Variants in PTPRM observed in about 807,000 individuals in gnomAD.
PTPRM encodes protein tyrosine phosphatase receptor type M, also known as receptor-type tyrosine-protein phosphatase mu.
In PTPRM, 47 loss-of-function variants were observed where a neutral mutation model predicts 186.7. The observed-to-expected ratio is 0.25, with a 90% confidence interval of 0.20 to 0.32. The LOEUF (loss-of-function observed/expected upper bound fraction) is 0.32, where lower values mean the gene tolerates loss of function less well. Among genes scored for constraint, PTPRM ranks in the 10% least tolerant of loss-of-function variants. The pLI, the probability that PTPRM is intolerant of heterozygous loss-of-function variation, is 1.00. For synonymous variants in PTPRM, 668 were observed against 674.9 expected (o/e 0.99, Z 0.16); for missense variants, 1,494 against 1,865.0 (o/e 0.80, Z 3.66).
At chr18:8,178,804 T>TAAAATAAAAAATAA (rs61560329) in intron 14 of PTPRM, among the ~76,000 whole-genome samples, 22 of 151,106 alleles carry the variant, frequency 1.5e-4, no homozygotes, top group Non-Finnish European at 2.4e-4. Context: ...ATAATAATAA[T>TAAAATAAAAAATAA]AAAATAAAAA....
intron 2 of PTPRM, among the ~76,000 whole-genome samples, chr18:7,805,438 A>G (rs1202278153): frequency 1.3e-5 from 2 of 152,210 alleles, no homozygotes; most frequent in African/African-American, 2.4e-5. Flanking sequence ...GCTTCTGTTT[A>G]TGAGCTCTTT....
intron 7 of PTPRM, among the ~76,000 whole-genome samples, chr18:8,019,876 C>G (rs2085102939): frequency 6.7e-6 from 1 of 149,876 alleles, no homozygotes; most frequent in African/African-American, 2.4e-5. Flanking sequence ...ATAAATTTAA[C>G]CCAACGCTCT....
intron 1 of PTPRM, among the ~76,000 whole-genome samples, chr18:7,639,306 G>T (rs940366030): frequency 6.6e-6 from 1 of 151,678 alleles, no homozygotes; most frequent in Non-Finnish European, 1.5e-5. Flanking sequence ...TCCTGACCTC[G>T]TGATCCGCCT....
chr18:7,834,033 G>A (rs1173864539), intron 2 of PTPRM, among the ~76,000 whole-genome samples: 1 of 151,956 alleles, frequency 6.6e-6, no homozygotes, highest in African/African-American at 2.4e-5. Flanking sequence ...TTCTTGTCAT[G>A]TTCTAGATCT....
intron 14 of PTPRM, among the ~76,000 whole-genome samples, chr18:8,214,940 A>T (rs2094059188): frequency 2.0e-5 from 3 of 152,248 alleles, no homozygotes; most frequent in Admixed American, 1.3e-4. Flanking sequence ...GGCGTGAGCC[A>T]CTGCGCCTGG....
chr18:7,869,728 A>T (rs934017567), intron 2 of PTPRM, among the ~76,000 whole-genome samples: 5 of 152,176 alleles, frequency 3.3e-5, no homozygotes, highest in Admixed American at 3.3e-4. Flanking sequence ...GTGGCCAGTA[A>T]GTGGCCATTA....
chr18:8,180,831 C>T (rs1294097388), intron 14 of PTPRM, among the ~76,000 whole-genome samples: 1 of 152,174 alleles, frequency 6.6e-6, no homozygotes, highest in East Asian at 1.9e-4. Flanking sequence ...TTTCTGTCTA[C>T]TGGGAGACTG....
intron 14 of PTPRM, among the ~76,000 whole-genome samples, chr18:8,187,751 G>A (rs567238146): frequency 7.2e-5 from 11 of 152,294 alleles, no homozygotes; most frequent in African/African-American, 2.6e-4. Flanking sequence ...TAGCAGTGAC[G>A]GCAACCATGG....
intron 14 of PTPRM, among the ~76,000 whole-genome samples, chr18:8,181,109 A>T (rs1387322444): frequency 6.6e-6 from 1 of 152,204 alleles, no homozygotes. Flanking sequence ...AGTTAACTAC[A>T]TGTCCGACAC....
intron 19 of PTPRM, among the ~76,000 whole-genome samples, chr18:8,293,597 TAATC>T (rs2095063605): frequency 6.6e-6 from 1 of 152,236 alleles, no homozygotes; most frequent in Non-Finnish European, 1.5e-5. Flanking sequence ...AATTGGTAAT[TAATC>T]ATGACAAACT....
At chr18:7,716,735 C>T (rs1366322271) in intron 1 of PTPRM, among the ~76,000 whole-genome samples, 1 of 152,178 alleles carries the variant, frequency 6.6e-6, no homozygotes, top group African/African-American at 2.4e-5. Context: ...AAAAGCTCAT[C>T]ATCAGTGGTC....
At chr18:8,208,502 G>C (rs992979758) in intron 14 of PTPRM, among the ~76,000 whole-genome samples, 4 of 148,272 alleles carry the variant, frequency 2.7e-5, no homozygotes, top group Admixed American at 2.7e-4. Context: ...TGTAAGTAGA[G>C]TGGCCAGGCA....
chr18:8,026,346 A>G (rs1482562763), intron 7 of PTPRM, among the ~76,000 whole-genome samples: 1 of 152,192 alleles, frequency 6.6e-6, no homozygotes, highest in African/African-American at 2.4e-5. Context: ...GACATGGGCC[A>G]GAAGTTCTAA....
At chr18:7,726,775 C>G (rs1041432612) in intron 1 of PTPRM, among the ~76,000 whole-genome samples, 3 of 152,134 alleles carry the variant, frequency 2.0e-5, no homozygotes, top group African/African-American at 7.2e-5. Context: ...GTATCAGTTC[C>G]TTTGAACTTG....
intron 22 of PTPRM, among the ~76,000 whole-genome samples, chr18:8,333,503 C>A (rs584741): frequency 1.3e-5 from 2 of 152,168 alleles, no homozygotes; most frequent in Admixed American, 6.5e-5. Flanking sequence ...ATTGAAAAAT[C>A]ACATAAAGCT....
intron 7 of PTPRM, among the ~76,000 whole-genome samples, chr18:7,966,625 G>A (rs973496920): frequency 4.7e-5 from 7 of 148,520 alleles, no homozygotes; most frequent in Admixed American, 2.7e-4. Flanking sequence ...GAAGCAGGGC[G>A]AGGCATTGCC....
intron 14 of PTPRM, among the ~76,000 whole-genome samples, chr18:8,235,885 C>T (rs758481139): frequency 1.5e-4 from 23 of 152,060 alleles, no homozygotes; most frequent in Non-Finnish European, 2.9e-4. Flanking sequence ...ATTTTTCCAG[C>T]CATTTTCATG....
chr18:7,943,085 G>A (rs1031888167), intron 5 of PTPRM, among the ~76,000 whole-genome samples: 7 of 151,874 alleles, frequency 4.6e-5, no homozygotes, highest in Admixed American at 3.3e-4. Flanking sequence ...TTGGCCTTTC[G>A]TTTCTGTGCC....
chr18:8,113,005 C>T (rs2145704721), intron 11 of PTPRM, among the ~76,000 whole-genome samples: 1 of 152,316 alleles, frequency 6.6e-6, no homozygotes, highest in South Asian at 2.1e-4. Context: ...CCTTAGTTAA[C>T]ATGAATCACT....
Sources: allele counts gnomAD v4.1 joint callset (sites outside exome capture counted in the v4.1 genomes callset), GRCh38; gene constraint gnomAD v4.1.1; transcripts MANE v1.5; gene names NCBI Gene and HGNC (gene_info 2026-07-23, HGNC 2026-07-21).